Variants in SGCZ observed in about 807,000 individuals in gnomAD.
SGCZ encodes the protein sarcoglycan zeta.
Under a neutral mutation model 41.3 loss-of-function variants are expected in SGCZ, and 40 were observed. The observed-to-expected ratio is 0.97, with a 90% CI of 0.75 to 1.26. The LOEUF is 1.26. SGCZ is among the 50% of genes most tolerant of loss of function. The probability of loss-of-function intolerance (pLI) is 0.00; values close to 1 mark genes in which losing one functional copy is unlikely to be tolerated. For missense variants in SGCZ, 552 were observed against 369.8 expected (o/e 1.49, Z -4.04); for synonymous variants, 206 against 137.5 (o/e 1.50, Z -3.49).
chr8:14,846,546 C>T (rs982050970), intron 1 of SGCZ, among the ~76,000 whole-genome samples: 2 of 151,900 alleles, frequency 1.3e-5, no homozygotes, highest in Non-Finnish European at 2.9e-5. Flanking sequence ...ATATGAACAA[C>T]TTTATACCAA....
intron 1 of SGCZ, among the ~76,000 whole-genome samples, chr8:14,908,649 C>T (rs1223607596): frequency 6.8e-6 from 1 of 147,660 alleles, no homozygotes; most frequent in Non-Finnish European, 1.5e-5. Context: ...ACTCAGGAGG[C>T]TGAGGCAGGA....
rs936500903 is a variant in SGCZ at position 14,798,216 on chromosome 8, A to G, written c.40-243290T>C. 3.3e-5 allele frequency among the ~76,000 whole-genome samples: 5 copies of G among 152,368 alleles called. No homozygotes were observed. In the East Asian group the frequency reaches 7.7e-4, roughly 24 times the overall value. ...TTTTAAAAACTCCCACCCAGTTGAT[A>G]TAAAAAATCATTGACCCAATGAGGA... On this transcript the variant is annotated intron_variant, in intron 1 of 7. Coordinates refer to ENST00000382080, the MANE Select transcript of SGCZ (RefSeq NM_139167.4).
At position 14,354,699 on chromosome 8, in the gene SGCZ, G is replaced by T. The variant is rs1000871560; in HGVS notation, c.235-30495C>A. The stretch of plus-strand genomic sequence containing the variant: ...CACACACACTCAGAGACAAAACTAT[G>T]TATCTCTAAACATGTATACAAAAGA... On this transcript the variant is annotated intron_variant, in intron 2 of 7. Transcript: ENST00000382080. 3.3e-5 allele frequency among the ~76,000 whole-genome samples: 5 copies of T among 151,546 alleles called. No individual in the cohort carries two copies. In the East Asian group the frequency reaches 7.7e-4, roughly 23 times the overall value.
chr8:14,467,356 T>G (rs747939502), intron 2 of SGCZ, among the ~76,000 whole-genome samples: 5 of 152,008 alleles, frequency 3.3e-5, no homozygotes, highest in Non-Finnish European at 5.9e-5. Context: ...TGGGGGCAAG[T>G]GCAAAAACAA....
intron 1 of SGCZ, among the ~76,000 whole-genome samples, chr8:14,899,846 A>AGAG (rs1402614706): frequency 2.0e-5 from 3 of 151,880 alleles, no homozygotes; most frequent in Non-Finnish European, 4.4e-5. Flanking sequence ...AGAGGAAGGA[A>AGAG]GAGGAGGAAG....
intron 1 of SGCZ, among the ~76,000 whole-genome samples, chr8:14,819,312 C>A (rs1043625008): frequency 2.2e-4 from 33 of 152,064 alleles, no homozygotes; most frequent in African/African-American, 8.0e-4. Context: ...CTGGGAAGGT[C>A]TTTACTTTTC....
chr8:14,155,273 G>A (rs7817792), intron 5 of SGCZ, among the ~76,000 whole-genome samples: 15,286 of 152,036 alleles, frequency 0.1, 888 homozygotes, highest in Middle Eastern at 0.2. Context: ...CTCAAGTTAT[G>A]CGTTTTTGTC....
intron 1 of SGCZ, among the ~76,000 whole-genome samples, chr8:14,623,341 G>A (rs1190678995): frequency 6.6e-6 from 1 of 152,126 alleles, no homozygotes; most frequent in Non-Finnish European, 1.5e-5. Flanking sequence ...AATAGTACTT[G>A]AATATTTTTG....
At chr8:14,246,366 T>A (rs191856225) in intron 3 of SGCZ, among the ~76,000 whole-genome samples, 101 of 151,968 alleles carry the variant, frequency 6.6e-4, no homozygotes, top group African/African-American at 2.4e-3. Context: ...AATCACTGCA[T>A]GTTCTCACTC....
chr8:14,289,870 T>A (rs1413001161), intron 3 of SGCZ, among the ~76,000 whole-genome samples: 1 of 151,166 alleles, frequency 6.6e-6, no homozygotes, highest in Non-Finnish European at 1.5e-5. Flanking sequence ...GACTTACAGT[T>A]GTGCATAGCT....
At chr8:14,762,404 C>T (rs1448438923) in intron 1 of SGCZ, among the ~76,000 whole-genome samples, 2 of 152,154 alleles carry the variant, frequency 1.3e-5, no homozygotes, top group East Asian at 3.9e-4. Flanking sequence ...CTCACTAAGC[C>T]TCAGCTTCCT....
intron 1 of SGCZ, among the ~76,000 whole-genome samples, chr8:14,709,060 T>G (rs1809430311): frequency 1.3e-5 from 2 of 152,172 alleles, no homozygotes; most frequent in Non-Finnish European, 2.9e-5. Flanking sequence ...TCAACGAAAT[T>G]ATGGTTAACA....
At chr8:14,280,818 T>C (rs574294533) in intron 3 of SGCZ, among the ~76,000 whole-genome samples, 3 of 148,308 alleles carry the variant, frequency 2.0e-5, no homozygotes, top group Non-Finnish European at 4.5e-5. Context: ...TTTTTTTTAA[T>C]GGACTTATAT....
chr8:14,647,251 A>G (rs986765023), intron 1 of SGCZ, among the ~76,000 whole-genome samples: 1 of 152,018 alleles, frequency 6.6e-6, no homozygotes, highest in Non-Finnish European at 1.5e-5. Flanking sequence ...TTCAGCATTT[A>G]CCTTCTGTTA....
chr8:14,176,115 G>T (rs1804534577), intron 4 of SGCZ, among the ~76,000 whole-genome samples: 4 of 152,092 alleles, frequency 2.6e-5, no homozygotes, highest in Non-Finnish European at 5.9e-5. Flanking sequence ...ATTATAAAAT[G>T]CTTTCTCAGT....
At chr8:15,187,217 T>C (rs1800375803) in intron 1 of SGCZ, among the ~76,000 whole-genome samples, 1 of 152,162 alleles carries the variant, frequency 6.6e-6, no homozygotes, top group Admixed American at 6.5e-5. Flanking sequence ...TTCAGCTCTA[T>C]TCTCCCAACA....
intron 3 of SGCZ, among the ~76,000 whole-genome samples, chr8:14,318,356 T>A (rs996315439): frequency 1.3e-5 from 2 of 151,950 alleles, no homozygotes; most frequent in African/African-American, 4.8e-5. Context: ...ATTACTTCTT[T>A]AAATTTTTTT....
intron 1 of SGCZ, among the ~76,000 whole-genome samples, chr8:14,783,461 A>G (rs1049293664): frequency 6.6e-6 from 1 of 151,398 alleles, no homozygotes; most frequent in Non-Finnish European, 1.5e-5. Flanking sequence ...AAAGAAAAGG[A>G]AAAAAAAAGT....
intron 1 of SGCZ, among the ~76,000 whole-genome samples, chr8:15,017,060 G>A (rs1563440256): frequency 6.6e-6 from 1 of 152,178 alleles, no homozygotes; most frequent in South Asian, 2.1e-4. Context: ...ATTTCAGCAT[G>A]AGACTTGGAG....
Sources: gnomAD v4.1 joint callset for allele counts (sites outside exome capture counted in the v4.1 genomes callset) on GRCh38, gnomAD v4.1.1 for gene constraint, MANE v1.5 for transcripts, NCBI Gene and HGNC (gene_info 2026-07-23, HGNC 2026-07-21) for gene names.